EXOC6B: variants seen among roughly 807,000 people sequenced by gnomAD.
The protein encoded by EXOC6B is exocyst complex component 6B.
Under a neutral mutation model 113.5 loss-of-function variants are expected in EXOC6B, and 54 were observed. The observed-to-expected ratio is 0.48, with a 90% CI of 0.38 to 0.60. The LOEUF (loss-of-function observed/expected upper bound fraction) is 0.60, where lower values mean the gene tolerates loss of function less well. Among genes scored for constraint, EXOC6B ranks in the 20% least tolerant of loss-of-function variants. The pLI, the probability that EXOC6B is intolerant of heterozygous loss-of-function variation, is 0.00. For missense variants in EXOC6B, 797 were observed against 977.5 expected (o/e 0.82, Z 2.46); for synonymous variants, 357 against 339.0 (o/e 1.05, Z -0.58).
rs532541021 is a variant in EXOC6B at position 72,667,814 on chromosome 2, C to G, written c.669+50289G>C. Among the ~76,000 whole-genome samples, 3 of 151,966 alleles carry G rather than the reference C, an allele frequency of 2.0e-5. No homozygotes were observed. In the South Asian group the frequency reaches 6.2e-4, roughly 32 times the overall value. ...ATACCTTTCTTGATATTGACCTTGG[C>G]GAAGAATTTATGGCTAAGTCCTCAA... On this transcript the variant is annotated intron_variant, in intron 6 of 21. Coordinates refer to ENST00000272427, the MANE Select transcript of EXOC6B (RefSeq NM_015189.3).
intron 18 of EXOC6B, among the ~76,000 whole-genome samples, chr2:72,397,660 T>A (rs868023103): frequency 1.4e-4 from 20 of 139,874 alleles, no homozygotes; most frequent in African/African-American, 4.2e-4. Flanking sequence ...TAAAATAAAA[T>A]TATATATATA....
chr2:72,435,724 G>GTTT (rs200460115), intron 18 of EXOC6B, among the ~76,000 whole-genome samples: 23 of 144,308 alleles, frequency 1.6e-4, no homozygotes, highest in African/African-American at 5.2e-4. Context: ...CTTTTTTTTT[G>GTTT]TTTTTTTTTT....
intron 18 of EXOC6B, among the ~76,000 whole-genome samples, chr2:72,451,654 C>CTGTGCCTG (rs1553412938): frequency 1.1e-4 from 15 of 142,592 alleles, no homozygotes; most frequent in African/African-American, 3.9e-4. Context: ...GTCTTTGTGC[C>CTGTGCCTG]TGTGTGTGTG....
chr2:72,238,696 T>C (rs1046191526), intron 20 of EXOC6B, among the ~76,000 whole-genome samples: 1 of 152,242 alleles, frequency 6.6e-6, no homozygotes, highest in Non-Finnish European at 1.5e-5. Context: ...GCCATTTGTA[T>C]ATTTTCTTTG....
rs1008211092 is a variant in EXOC6B, at chr2:72,733,182, C to A, written c.280-64G>T. ...CATTTAGACAATAGTTGAAAAAGAT[C>A]TAAATTTAATATGAAAAGATTAGGA... On this transcript the variant is annotated intron_variant, in intron 2 of 21. Transcript: ENST00000272427. 1.8e-5 allele frequency: 22 copies of A among 1,193,672 alleles called. No homozygotes were observed. The African/African-American group carries it at 2.0e-4, about 11-fold the overall frequency. The allele number at this position is 1,193,672 out of a possible 1,614,324, so 73.9% of individuals were successfully genotyped here.
At chr2:72,466,930 T>C (rs1573189417) in intron 17 of EXOC6B, among the ~76,000 whole-genome samples, 2 of 152,226 alleles carry the variant, frequency 1.3e-5, no homozygotes, top group East Asian at 3.8e-4. Context: ...TGTTATAGAA[T>C]AGATCTCTTG....
chr2:72,351,498 C>T (rs1292437853), intron 19 of EXOC6B, among the ~76,000 whole-genome samples: 1 of 152,196 alleles, frequency 6.6e-6, no homozygotes, highest in Non-Finnish European at 1.5e-5. Flanking sequence ...CTGGTTTACA[C>T]CACCCTACTT....
intron 17 of EXOC6B, among the ~76,000 whole-genome samples, chr2:72,477,267 T>C (rs910934373): frequency 2.6e-5 from 4 of 152,232 alleles, no homozygotes; most frequent in Admixed American, 2.6e-4. Context: ...ATCGTATTTC[T>C]GCTTTCCAAA....
chr2:72,646,014 T>C (rs888657063), intron 6 of EXOC6B, among the ~76,000 whole-genome samples: 84 of 152,214 alleles, frequency 5.5e-4, no homozygotes, highest in Non-Finnish European at 1.0e-3. Flanking sequence ...GCTGGTTTTT[T>C]GAAAAGATCA....
At chr2:72,440,864 G>C (rs1202984562) in intron 18 of EXOC6B, among the ~76,000 whole-genome samples, 1 of 151,856 alleles carries the variant, frequency 6.6e-6, no homozygotes, top group African/African-American at 2.4e-5. Flanking sequence ...AACCAGAAAA[G>C]AGCAGGGATT....
At chr2:72,272,353 C>T (rs1462637879) in intron 20 of EXOC6B, among the ~76,000 whole-genome samples, 1 of 152,082 alleles carries the variant, frequency 6.6e-6, no homozygotes, top group Non-Finnish European at 1.5e-5. Flanking sequence ...CAGAAAACAT[C>T]CCCTTCCTGA....
chr2:72,518,643 C>CA (rs1291886081), intron 8 of EXOC6B, among the ~76,000 whole-genome samples: 2 of 151,594 alleles, frequency 1.3e-5, no homozygotes, highest in Admixed American at 6.6e-5. Context: ...CTGGAGGAGA[C>CA]AAAGAGGCTG....
intron 1 of EXOC6B, among the ~76,000 whole-genome samples, chr2:72,806,538 G>A (rs1685585305): frequency 6.6e-6 from 1 of 152,072 alleles, no homozygotes; most frequent in African/African-American, 2.4e-5. Context: ...TTTCCTTTAG[G>A]TATATACCCA....
intron 18 of EXOC6B, among the ~76,000 whole-genome samples, chr2:72,401,580 TAC>T (rs1217691138): frequency 0.011 from 215 of 19,476 alleles, 13 homozygotes; most frequent in African/African-American, 0.031. Context: ...TATATATATA[TAC>T]ATATATATAT....
chr2:72,179,421 A>G lies in EXOC6B; in HGVS notation c.2350T>C (p.Phe784Leu). The G allele has an allele frequency of 6.2e-7, 1 of 1,613,842 alleles. No homozygotes were observed. The highest frequency in any genetic ancestry group is 8.5e-7 in the Non-Finnish European group (1 of 1,179,850). Reference protein sequence around the residue: ...TSRKNNMFAQFRKNERDKQKL... With the variant: ...TSRKNNMFAQLRKNERDKQKL... ...TGCTTGTCTCGCTCATTTTTCCGAA[A>G]CTGTGCAAACATGTTGTTCTTGCGG... The change falls in exon 22 of 22, where the codon TTT (phenylalanine) becomes CTT (leucine). Residue 784 changes from phenylalanine (F) to leucine (L), a missense_variant. Phe to Leu is a conservative substitution (Grantham distance 22). Coordinates refer to ENST00000272427, the MANE Select transcript of EXOC6B (RefSeq NM_015189.3).
intron 20 of EXOC6B, among the ~76,000 whole-genome samples, chr2:72,269,983 A>T (rs185615836): frequency 1.3e-5 from 2 of 152,266 alleles, no homozygotes; most frequent in Admixed American, 6.6e-5. Flanking sequence ...GGGGATGTGA[A>T]GAGGTGAAGA....
At chr2:72,469,681 C>T (rs1015290786) in intron 17 of EXOC6B, among the ~76,000 whole-genome samples, 2 of 151,868 alleles carry the variant, frequency 1.3e-5, no homozygotes, top group Admixed American at 6.6e-5. Context: ...GTTCTATTGC[C>T]TAGAACATGG....
chr2:72,515,947 T>A (rs1380608952), intron 8 of EXOC6B, among the ~76,000 whole-genome samples: 2 of 152,052 alleles, frequency 1.3e-5, no homozygotes, highest in African/African-American at 4.8e-5. Flanking sequence ...GAACACCACG[T>A]GATGACAGAG....
At chr2:72,607,746 T>C (rs1187298507) in intron 6 of EXOC6B, among the ~76,000 whole-genome samples, 7 of 152,106 alleles carry the variant, frequency 4.6e-5, no homozygotes, top group Admixed American at 4.6e-4. Context: ...AACAAAGAAA[T>C]TTTCTAATAT....
Sources: allele counts gnomAD v4.1 joint callset (sites outside exome capture counted in the v4.1 genomes callset), GRCh38; gene constraint gnomAD v4.1.1; transcripts MANE v1.5; gene names NCBI Gene and HGNC (gene_info 2026-07-23, HGNC 2026-07-21).